The following IARS1 variants were observed in gnomAD, a reference collection of about 807,000 sequenced individuals.
The protein encoded by IARS1 is isoleucine--tRNA ligase, cytoplasmic.
In IARS1, 124 loss-of-function variants were observed where a neutral mutation model predicts 168.2. The ratio of observed to expected loss-of-function variants is 0.74; its 90% CI spans 0.64 to 0.86. The LOEUF (loss-of-function observed/expected upper bound fraction) is 0.86, where lower values mean the gene tolerates loss of function less well. Among genes scored for constraint, IARS1 ranks in the 40% least tolerant of loss-of-function variants. The pLI, the probability that IARS1 is intolerant of heterozygous loss-of-function variation, is 0.00. For missense variants in IARS1, 1,452 were observed against 1,515.8 expected, an observed-to-expected ratio of 0.96 and a Z score of 0.70; for synonymous variants, 532 against 529.4, an observed-to-expected ratio of 1.00 and a Z score of -0.07.
chr9:92,242,460 C>A, intron 28 of IARS1, 130 bp from the exon 29 acceptor site: 1 of 670,772 alleles, frequency 1.5e-6, no homozygotes. Flanking sequence ...CCCTTCCCTC[C>A]CTGCTGGGTG....
Position 92,256,868 on chromosome 9 carries a change from C to T in IARS1, c.2017-68G>A, listed in dbSNP as rs560621423. On this transcript the variant is annotated intron_variant, in intron 19 of 33. Coordinates refer to ENST00000443024, the MANE Select transcript of IARS1 (RefSeq NM_002161.6). The stretch of plus-strand genomic sequence containing the variant: ...AAAGTTACTATGAGGAAATAAACTT[C>T]TTAAATCACTTAAACAAAAACAAAA... The T allele has an allele frequency of 6.4e-6, 9 of 1,414,622 alleles. No individual in the cohort carries two copies. The East Asian group carries it at 2.1e-4, about 33-fold the overall frequency. The allele number at this position is 1,414,622 out of a possible 1,614,324, so 87.6% of individuals were successfully genotyped here.
At position 92,264,945 on chromosome 9, in the gene IARS1, C is replaced by T. The variant is rs753845746; in HGVS notation, c.1684G>A (p.Asp562Asn). 4 of 1,613,450 alleles carry T rather than the reference C, an allele frequency of 2.5e-6. No individual in the cohort carries two copies. Among genetic ancestry groups the T allele is most frequent in the Admixed American group, 1.7e-5 (1 of 59,950 alleles). Reference sequence around the variant, plus strand: ...GAGGCATACCATCCTCTGGTTTGGTCGATGCCCTCGGCAATGAAATCTGCA... The same window carrying T: ...GAGGCATACCATCCTCTGGTTTGGTTGATGCCCTCGGCAATGAAATCTGCA... ...FPADFIAEGI[D>N]QTRGWFYTLL... Residue 562 changes from aspartate to asparagine, a missense_variant, in exon 16 of 34, where the codon GAC becomes AAC. Physicochemically the swap from Asp to Asn is conservative, Grantham distance 23. Coordinates refer to ENST00000443024, the MANE Select transcript of IARS1 (RefSeq NM_002161.6).
At chr9:92,252,764 CAAAAAAAAAAAA>C (rs34983021) in intron 21 of IARS1, among the ~76,000 whole-genome samples, 57 of 27,236 alleles carry the variant, frequency 2.1e-3, no homozygotes, top group African/African-American at 6.0e-3. Context: ...AACTCCTTCT[CAAAAAAAAAAAA>C]AAAAAAAAAA....
At chr9:92,214,555 T>C (rs1352251968) in intron 33 of IARS1, among the ~76,000 whole-genome samples, 13 of 152,184 alleles carry the variant, frequency 8.5e-5, no homozygotes, top group Admixed American at 7.9e-4. Context: ...CGCAGGTCAG[T>C]GGGTGCACGC....
At chr9:92,241,082 C>G (rs1454235588) in intron 29 of IARS1, 121 bp from the exon 30 acceptor site, 1 of 580,848 alleles carries the variant, frequency 1.7e-6, no homozygotes, top group Non-Finnish European at 3.2e-6. Flanking sequence ...ATAACATATT[C>G]AATCTCATTA....
At chr9:92,265,217 T>C (rs1832118102) in intron 15 of IARS1, 94 bp from the exon 16 acceptor site, 1 of 1,092,964 alleles carries the variant, frequency 9.1e-7, no homozygotes, top group Admixed American at 2.6e-5. Flanking sequence ...CCTGACAAGA[T>C]ATTATACACA....
intron 26 of IARS1, among the ~76,000 whole-genome samples, chr9:92,246,727 T>C (rs1446566046): frequency 1.3e-5 from 2 of 152,124 alleles, no homozygotes; most frequent in East Asian, 3.8e-4. Context: ...TGGTAGTATG[T>C]GCCTGTAGTG....
At chr9:92,261,993 G>A (rs1038477085) in intron 17 of IARS1, among the ~76,000 whole-genome samples, 5 of 150,658 alleles carry the variant, frequency 3.3e-5, no homozygotes, top group Admixed American at 1.3e-4. Flanking sequence ...CAGGAGATCC[G>A]CCCACCATGG....
chr9:92,257,545 G>A (rs1454286622), intron 19 of IARS1, among the ~76,000 whole-genome samples: 1 of 152,178 alleles, frequency 6.6e-6, no homozygotes, highest in Non-Finnish European at 1.5e-5. Flanking sequence ...TGCAGGACAG[G>A]TGGCAGGCTG....
At chr9:92,272,018 A>G in intron 10 of IARS1, among the ~76,000 whole-genome samples, 1 of 152,250 alleles carries the variant, frequency 6.6e-6, no homozygotes, top group East Asian at 1.9e-4. Flanking sequence ...ATGTTTTAAA[A>G]CTAAATCAAA....
In IARS1 at chr9:92,274,525, G is replaced by C. The variant is rs753470606; in HGVS notation, c.895-4C>G. The C allele has an allele frequency of 4.4e-6, 7 of 1,601,332 alleles. No homozygotes were observed. Among genetic ancestry groups the C allele is most frequent in the South Asian group, 3.3e-5 (3 of 90,818 alleles). ...TGAAAGCGCCATTCTCTTTACACTG[G>C]AAAGAAAGGACAGCAGGCTTCAGGG... is the stretch of plus-strand genomic sequence containing the variant. On this transcript the variant is annotated splice_polypyrimidine_tract_variant and splice_region_variant and intron_variant, in intron 9 of 33. Transcript: ENST00000443024.
Position 92,243,314 on chromosome 9 carries a change from G to A in IARS1, c.2905-3C>T. 6.2e-7 allele frequency: 1 copy of A among 1,602,746 alleles called. No individual in the cohort carries two copies. Among genetic ancestry groups the A allele is most frequent in the Non-Finnish European group, 8.5e-7 (1 of 1,169,812 alleles). The stretch of plus-strand genomic sequence containing the variant: ...GTGACATCTAAGAGGACCAAAGCCT[G>A]TGGGAATGAACAGTGCACACCATGA... On this transcript the variant is annotated splice_polypyrimidine_tract_variant and splice_region_variant and intron_variant, in intron 27 of 33. Transcript: ENST00000443024.
chr9:92,293,122 ACCGTCTCAAACGTTTCCT>A (rs1329299399), intron 1 of IARS1, among the ~76,000 whole-genome samples: 1 of 152,208 alleles, frequency 6.6e-6, no homozygotes, highest in Non-Finnish European at 1.5e-5. Context: ...TGAAAGTGGG[ACCGTCTCAAACGTTTCCT>A]CAATTTAGTT....
chr9:92,272,994 A>G (rs1030710405), intron 10 of IARS1, among the ~76,000 whole-genome samples: 1 of 151,660 alleles, frequency 6.6e-6, no homozygotes, highest in Non-Finnish European at 1.5e-5. Context: ...AGAGTTAATG[A>G]CAAACACCCA....
intron 30 of IARS1, among the ~76,000 whole-genome samples, chr9:92,236,349 T>C (rs1439729057): frequency 6.6e-6 from 1 of 152,018 alleles, no homozygotes; most frequent in Non-Finnish European, 1.5e-5. Context: ...ATAAAATGAG[T>C]GAAATGTTCC....
chr9:92,280,956 G>A (rs538957642), intron 6 of IARS1, 63 bp from the exon 7 acceptor site: 13 of 1,114,020 alleles, frequency 1.2e-5, no homozygotes, highest in African/African-American at 7.9e-5. Context: ...CTAAGAAAAA[G>A]GAACTACTCC....
chr9:92,279,306 A>C (rs1834186036), intron 7 of IARS1, among the ~76,000 whole-genome samples: 1 of 152,222 alleles, frequency 6.6e-6, no homozygotes, highest in Non-Finnish European at 1.5e-5. Context: ...GCCAAGCACA[A>C]GAGTTATACA....
chr9:92,250,735 A>G lies in IARS1; in HGVS notation c.2407T>C (p.Tyr803His), dbSNP rs1390317280. 1.9e-6 allele frequency: 3 copies of G among 1,612,398 alleles called. No homozygotes were observed. The African/African-American group carries it at 4.0e-5, about 22-fold the overall frequency. Residue 803 changes from tyrosine to histidine, a missense_variant, in exon 23 of 34, where the codon TAC (tyrosine) becomes CAC (histidine). By Grantham distance (83) the Tyr-to-His change is moderately conservative (BLOSUM62 2). Coordinates refer to ENST00000443024, the MANE Select transcript of IARS1 (RefSeq NM_002161.6). The part of the protein sequence containing the change: ...VQDKDTLSIH[Y>H]LMLPRVREEL... The stretch of plus-strand genomic sequence containing the variant: ...TACCGAACACGGGGCAGCATGAGGT[A>G]GTGAATGCTGAGTGTGTCCTTGTCC...
chr9:92,270,020 T>C (rs763702795), intron 12 of IARS1, 37 bp from the exon 13 acceptor site: 2 of 1,341,638 alleles, frequency 1.5e-6, no homozygotes, highest in South Asian at 2.3e-5. Context: ...CTGCTCAGGC[T>C]GAGACTAGTA....
Sources: gnomAD v4.1 joint callset for allele counts (sites outside exome capture counted in the v4.1 genomes callset) on GRCh38, gnomAD v4.1.1 for gene constraint, MANE v1.5 for transcripts, NCBI Gene and HGNC (gene_info 2026-07-23, HGNC 2026-07-21) for gene names.